Variants in SNX10 observed in about 807,000 individuals in gnomAD.
SNX10 encodes sorting nexin-10.
In SNX10, 25 loss-of-function variants were observed where a neutral mutation model predicts 28.5. The observed-to-expected ratio is 0.88, with a 90% CI of 0.64 to 1.22. The LOEUF (loss-of-function observed/expected upper bound fraction) is 1.22. SNX10 is among the 50% of genes most tolerant of loss of function. The pLI, the probability that SNX10 is intolerant of heterozygous loss-of-function variation, is 0.00. For missense variants in SNX10, 223 were observed against 242.6 expected, an observed-to-expected ratio of 0.92 and a Z score of 0.54; for synonymous variants, 62 against 81.4, an observed-to-expected ratio of 0.76 and a Z score of 1.28.
intron 2 of SNX10, among the ~76,000 whole-genome samples, chr7:26,350,176 C>T (rs1266229145): frequency 6.6e-6 from 1 of 152,222 alleles, no homozygotes; most frequent in Non-Finnish European, 1.5e-5. Flanking sequence ...CCCAAATGCA[C>T]ATGCTTCATA....
At chr7:26,312,540 C>T (rs534647726) in intron 1 of SNX10, among the ~76,000 whole-genome samples, 40 of 152,208 alleles carry the variant, frequency 2.6e-4, no homozygotes, top group African/African-American at 9.2e-4. Context: ...AATCCCAGCA[C>T]TTTGGGAGGC....
At chr7:26,368,484 C>G (rs1006884700) in intron 5 of SNX10, among the ~76,000 whole-genome samples, 2 of 152,084 alleles carry the variant, frequency 1.3e-5, no homozygotes, top group Non-Finnish European at 1.5e-5. Context: ...GGAATTCCTA[C>G]TAATTTTTAG....
chr7:26,301,252 T>C (rs1156605258), intron 1 of SNX10, among the ~76,000 whole-genome samples: 1 of 152,234 alleles, frequency 6.6e-6, no homozygotes, highest in African/African-American at 2.4e-5. Context: ...GTTAAATGTG[T>C]ATATTCTCTT....
At chr7:26,350,357 G>A (rs1788548650) in intron 2 of SNX10, among the ~76,000 whole-genome samples, 1 of 152,148 alleles carries the variant, frequency 6.6e-6, no homozygotes, top group Non-Finnish European at 1.5e-5. Flanking sequence ...GGGCACTATG[G>A]GGAGAGCCGG....
Position 26,325,565 on chromosome 7 carries a change from C to T in SNX10, c.-23-20855C>T, listed in dbSNP as rs141836041. 1.4e-3 allele frequency among the ~76,000 whole-genome samples: 202 copies of T among 147,184 alleles called. 1 individual carries two copies. Among genetic ancestry groups the T allele is most frequent in the African/African-American group, 4.8e-3 (192 of 40,036 alleles). On this transcript the variant is annotated intron_variant, in intron 1 of 6. Coordinates refer to ENST00000338523, the MANE Select transcript of SNX10 (RefSeq NM_013322.3). ...CTAACTTTCCTAACTTCAAGTGATC[C>T]GCCTGCCTCGGCCTCCCAAAGTGCT...
chr7:26,368,002 T>C (rs111618929), intron 5 of SNX10, among the ~76,000 whole-genome samples: 83 of 152,346 alleles, frequency 5.4e-4, no homozygotes, highest in African/African-American at 1.8e-3. Flanking sequence ...TACCTATTTT[T>C]CTTTAAGGTC....
At chr7:26,331,356 C>T (rs546126983) in intron 1 of SNX10, among the ~76,000 whole-genome samples, 1 of 152,236 alleles carries the variant, frequency 6.6e-6, no homozygotes, top group African/African-American at 2.4e-5. Context: ...AAGGCCAAGG[C>T]AGATACATCA....
Position 26,373,630 on chromosome 7 carries a change from T to G in SNX10, c.*1058T>G, listed in dbSNP as rs1011460279. The G allele has an allele frequency of 5.9e-5, 9 of 152,060 alleles. No individual in the cohort carries two copies. The highest frequency in any genetic ancestry group is 2.2e-4 in the African/African-American group (9 of 41,446). The allele number at this position is 152,060 out of a possible 1,614,324, so 9.4% of individuals were successfully genotyped here. On this transcript the variant is annotated 3_prime_UTR_variant, in exon 7 of 7. Coordinates refer to ENST00000338523, the MANE Select transcript of SNX10 (RefSeq NM_013322.3). The surrounding 1 kb of genome is among the most constrained non-coding windows in gnomAD (Gnocchi z 4.2). ...CCAAAGATATCTTAGATAAACTATT[T>G]TGAAGTTCAGATTTCAGATGAGGCA...
chr7:26,300,275 T>G (rs558539451), intron 1 of SNX10, among the ~76,000 whole-genome samples: 2 of 149,942 alleles, frequency 1.3e-5, no homozygotes, highest in Non-Finnish European at 3.0e-5. Context: ...CTTAGGGGAG[T>G]AGGGACTGTG....
chr7:26,299,571 C>T (rs1328905518), intron 1 of SNX10, among the ~76,000 whole-genome samples: 1 of 151,756 alleles, frequency 6.6e-6, no homozygotes, highest in East Asian at 1.9e-4. Flanking sequence ...GCTGGGATTA[C>T]AGGTGAGCAC....
intron 5 of SNX10, chr7:26,370,667 T>C (rs1269556704): frequency 6.6e-6 from 1 of 152,220 alleles, no homozygotes; most frequent in East Asian, 1.9e-4. Flanking sequence ...TAAATTGATA[T>C]TAATGGCCAA....
chr7:26,358,971 A>G lies in SNX10; in HGVS notation c.25-2004A>G, dbSNP rs149438009. Among the ~76,000 whole-genome samples the G allele has an allele frequency of 5.2e-3, 785 of 151,594 alleles. 8 individuals carry two copies. Among genetic ancestry groups the G allele is most frequent in the African/African-American group, 0.018 (733 of 41,284 alleles). ...CAGGCGCCCAACACCATGCCCAGCT[A>G]ATTTTTGTATTTTTAGTAGAGATGG... is the stretch of plus-strand genomic sequence containing the variant. On this transcript the variant is annotated intron_variant, in intron 2 of 6. Transcript: ENST00000338523.
At chr7:26,323,882 G>A (rs968599658) in intron 1 of SNX10, among the ~76,000 whole-genome samples, 2 of 152,186 alleles carry the variant, frequency 1.3e-5, no homozygotes, top group Admixed American at 6.5e-5. Flanking sequence ...ACCTGCCATG[G>A]TGCCTGAAGC....
intron 5 of SNX10, 38 bp from the exon 6 acceptor site, chr7:26,371,783 C>A: frequency 7.0e-7 from 1 of 1,431,946 alleles, no homozygotes; most frequent in Non-Finnish European, 9.7e-7. Context: ...ACTGACCATC[C>A]TGTTCACCAA....
chr7:26,360,670 A>C (rs1486472891), intron 2 of SNX10: 1 of 319,434 alleles, frequency 3.1e-6, no homozygotes, highest in Non-Finnish European at 5.2e-6. Flanking sequence ...CAATTATTTA[A>C]GATTAAAAAT....
intron 1 of SNX10, 103 bp downstream of exon 1, chr7:26,292,189 T>G (rs1206819268): frequency 6.6e-6 from 1 of 152,190 alleles, no homozygotes. Flanking sequence ...TGTTCCCAGG[T>G]GCCCGCACCC....
chr7:26,343,264 C>G (rs950468219), intron 1 of SNX10, among the ~76,000 whole-genome samples: 2 of 152,166 alleles, frequency 1.3e-5, no homozygotes, highest in Non-Finnish European at 2.9e-5. Context: ...ATTACAGAGT[C>G]ATGGAGGCAG....
intron 2 of SNX10, among the ~76,000 whole-genome samples, chr7:26,358,826 A>ATTTTTTTTTTTTTTTTTT (rs1788948775): frequency 2.7e-5 from 1 of 36,968 alleles, no homozygotes; most frequent in African/African-American, 1.2e-4. Context: ...TTTTTTTTTG[A>ATTTTTTTTTTTTTTTTTT]CCAAGTCTTG....
intron 2 of SNX10, among the ~76,000 whole-genome samples, chr7:26,347,585 C>G (rs187376079): frequency 3.2e-4 from 48 of 152,300 alleles, no homozygotes; most frequent in Admixed American, 2.6e-3. Context: ...CACCATGACT[C>G]ATGCCTGTAA....
Sources: gnomAD v4.1 joint callset for allele counts (sites outside exome capture counted in the v4.1 genomes callset) on GRCh38, gnomAD v4.1.1 for gene constraint, Gnocchi (gnomAD v3.1) non-coding constraint, MANE v1.5 for transcripts, NCBI Gene and HGNC (gene_info 2026-07-23, HGNC 2026-07-21) for gene names.